SLC75A1: variants seen among roughly 807,000 people sequenced by gnomAD.
The protein encoded by SLC75A1 is solute carrier family 75 member 1.
chr4:2,931,564 G>A, the SLC75A1 span: 53 of 1,612,430 alleles, frequency 3.3e-5, no homozygotes, highest in African/African-American at 5.3e-5. Flanking sequence ...CCCGCTTCAC[G>A]GCAGCAACTT....
the SLC75A1 span, chr4:2,930,913 C>T: frequency 2.5e-6 from 4 of 1,613,082 alleles, no homozygotes; most frequent in East Asian, 2.2e-5. Flanking sequence ...AGAGCCCGGA[C>T]CACGTGGTGA....
At chr4:2,932,090 G>A in the SLC75A1 span, 231 of 1,610,682 alleles carry the variant, frequency 1.4e-4, no homozygotes, top group Non-Finnish European at 1.8e-4. Context: ...GCCGAGAAGC[G>A]CAGCAGGGCC....
chr4:2,933,690 G>C, the SLC75A1 span: 1 of 1,612,536 alleles, frequency 6.2e-7, no homozygotes, highest in African/African-American at 1.3e-5. Context: ...CACGATAAGG[G>C]CTGGGGAGGT....
chr4:2,930,751 G>A, the SLC75A1 span: 42 of 1,446,916 alleles, frequency 2.9e-5, no homozygotes, highest in Non-Finnish European at 3.7e-5. Context: ...CCCTGGACTG[G>A]CGGGGGGTGG....
At chr4:2,932,855 T>C in the SLC75A1 span, 1 of 1,437,074 alleles carries the variant, frequency 7.0e-7, no homozygotes, top group Non-Finnish European at 9.2e-7. Flanking sequence ...CCCTCAACCC[T>C]GCCCTATTTC....
chr4:2,931,554 C>T, the SLC75A1 span: 9 of 1,611,282 alleles, frequency 5.6e-6, no homozygotes, highest in African/African-American at 2.7e-5. Flanking sequence ...GAGCCCCCTA[C>T]CCGCTTCACG....
chr4:2,931,201 G>A, the SLC75A1 span: 3 of 1,559,612 alleles, frequency 1.9e-6, no homozygotes, highest in South Asian at 1.2e-5. Flanking sequence ...CGCTCAGGTG[G>A]CTTCGGCCGA....
chr4:2,934,308 TCCCAAC>T, the SLC75A1 span: 3 of 205,506 alleles, frequency 1.5e-5, no homozygotes, highest in South Asian at 1.1e-4. Context: ...CCGATCCCGA[TCCCAAC>T]CCCAACCCCA....
At chr4:2,931,232 C>T in the SLC75A1 span, 1 of 1,564,128 alleles carries the variant, frequency 6.4e-7, no homozygotes, top group Non-Finnish European at 8.7e-7. Context: ...CTCACCATAG[C>T]CAGCGACCAC....
At chr4:2,931,604 G>C in the SLC75A1 span, 2 of 1,613,540 alleles carry the variant, frequency 1.2e-6, no homozygotes, top group Non-Finnish European at 1.7e-6. Context: ...CCGGGCATAG[G>C]CACCCTGGAT....
the SLC75A1 span, chr4:2,930,752 C>G: frequency 1.6e-5 from 23 of 1,452,032 alleles, no homozygotes; most frequent in Non-Finnish European, 2.0e-5. Flanking sequence ...CCTGGACTGG[C>G]GGGGGGTGGG....
chr4:2,931,943 A>T, the SLC75A1 span: 1 of 1,605,318 alleles, frequency 6.2e-7, no homozygotes. Flanking sequence ...AGCCCTGGGG[A>T]GAGGTGGCGC....
At chr4:2,931,260 C>T in the SLC75A1 span, 4 of 1,561,028 alleles carry the variant, frequency 2.6e-6, no homozygotes, top group African/African-American at 1.4e-5. Flanking sequence ...AGGCAGGGCA[C>T]CACAACGGCG....
chr4:2,931,576 C>G, the SLC75A1 span: 1 of 1,612,938 alleles, frequency 6.2e-7, no homozygotes. Context: ...CAGCAACTTC[C>G]CCGCCAGGGT....
chr4:2,932,747 G>T, the SLC75A1 span: 2 of 1,566,576 alleles, frequency 1.3e-6, no homozygotes, highest in Non-Finnish European at 1.7e-6. Flanking sequence ...CATATGAGGT[G>T]GCCACACCCA....
At chr4:2,933,805 G>A in the SLC75A1 span, 11 of 1,591,192 alleles carry the variant, frequency 6.9e-6, no homozygotes, top group Admixed American at 1.8e-5. Flanking sequence ...CAGCAGCAGC[G>A]TGAAGGCCAG....
chr4:2,932,220 T>G, the SLC75A1 span: 1 of 1,553,546 alleles, frequency 6.4e-7, no homozygotes, highest in East Asian at 2.3e-5. Context: ...GACTGTGGCC[T>G]CAAGGGTCCC....
At chr4:2,933,777 C>T in the SLC75A1 span, 2 of 1,595,346 alleles carry the variant, frequency 1.3e-6, no homozygotes, top group South Asian at 2.2e-5. Context: ...GGCTCTCCAA[C>T]AGCCCGGGCA....
the SLC75A1 span, chr4:2,934,825 G>C: frequency 6.6e-6 from 1 of 150,770 alleles, no homozygotes. Flanking sequence ...CAGGGCACCA[G>C]GCACGCCGCC....
Sources: allele counts gnomAD v4.1 joint callset, GRCh38; gene constraint gnomAD v4.1.1; transcripts MANE v1.5; gene names NCBI Gene and HGNC (gene_info 2026-07-23, HGNC 2026-07-21).